Variants in ATAT1 observed in about 807,000 individuals in gnomAD.
The protein encoded by ATAT1 is alpha tubulin acetyltransferase 1.
ATAT1 carries 42 observed loss-of-function variants against 57.2 expected under a neutral mutation model. The observed-to-expected ratio is 0.73, with a 90% CI of 0.57 to 0.95. The LOEUF (loss-of-function observed/expected upper bound fraction) is 0.95, where lower values mean the gene tolerates loss of function less well. Ranked by LOEUF, ATAT1 falls within the 40% of genes least tolerant of loss-of-function variation. The probability of loss-of-function intolerance (pLI) is 0.00; values close to 1 mark genes in which losing one functional copy is unlikely to be tolerated. For missense variants in ATAT1, 454 were observed against 523.7 expected (o/e 0.87, Z 1.30); for synonymous variants, 168 against 187.1 (o/e 0.90, Z 0.83).
At chr6:30,633,797 A>C (rs1481504385) in intron 6 of ATAT1, 5 of 176,888 alleles carry the variant, frequency 2.8e-5, no homozygotes, top group Non-Finnish European at 6.8e-5. Context: ...GAAGAGGAAC[A>C]GGGTGGGGAG....
intron 9 of ATAT1, 122 bp from the exon 10 acceptor site, chr6:30,642,646 A>C: frequency 1.3e-6 from 1 of 759,266 alleles, no homozygotes; most frequent in East Asian, 2.7e-5. Context: ...CCGTCTCAAA[A>C]AAGAAAAAAA....
intron 6 of ATAT1, among the ~76,000 whole-genome samples, 194 bp from the exon 7 acceptor site, chr6:30,640,183 G>A (rs1765105801): frequency 6.6e-6 from 1 of 151,938 alleles, no homozygotes; most frequent in Non-Finnish European, 1.5e-5. Flanking sequence ...ACAGTAACAT[G>A]CTGTACAGGT....
chr6:30,646,326 A>AT, intron 12 of ATAT1, 143 bp from the exon 13 acceptor site: 1 of 1,446,674 alleles, frequency 6.9e-7, no homozygotes, highest in Non-Finnish European at 9.1e-7. Flanking sequence ...GAGGTTTTAA[A>AT]TTTGGACATA....
chr6:30,641,132 C>T (rs1765343224), intron 8 of ATAT1, among the ~76,000 whole-genome samples: 1 of 151,984 alleles, frequency 6.6e-6, no homozygotes, highest in Non-Finnish European at 1.5e-5. Flanking sequence ...CACACACACA[C>T]ACACAAACAC....
At chr6:30,643,934 G>GA (rs2127554091) in intron 10 of ATAT1, 1 of 1,104,430 alleles carries the variant, frequency 9.1e-7, no homozygotes, top group East Asian at 5.3e-5. Context: ...CTGTGCCAGG[G>GA]AAACTTTTTA....
At chr6:30,643,463 T>G in intron 10 of ATAT1, 1 of 1,546,600 alleles carries the variant, frequency 6.5e-7, no homozygotes, top group East Asian at 2.4e-5. Context: ...ACTTCTCTGT[T>G]TTTCTCTCCC....
intron 6 of ATAT1, among the ~76,000 whole-genome samples, chr6:30,629,178 C>T (rs1345226754): frequency 3.3e-5 from 5 of 151,292 alleles, no homozygotes; most frequent in East Asian, 2.0e-4. Context: ...GGATTATAGG[C>T]GTGAGCCACT....
chr6:30,640,703 T>C, intron 8 of ATAT1, 100 bp downstream of exon 8: 2 of 1,398,606 alleles, frequency 1.4e-6, no homozygotes, highest in Admixed American at 3.8e-5. Flanking sequence ...TTTGGAAAAT[T>C]CTAAAGCAAC....
chr6:30,644,063 C>A (rs547130161), intron 10 of ATAT1: 1 of 989,284 alleles, frequency 1.0e-6, no homozygotes, highest in Admixed American at 6.0e-5. Flanking sequence ...CGCTAGTGAG[C>A]AAGCTCTGCT....
At chr6:30,640,139 C>CAA (rs34579562) in intron 6 of ATAT1, among the ~76,000 whole-genome samples, 8 of 124,836 alleles carry the variant, frequency 6.4e-5, no homozygotes, top group East Asian at 2.2e-4. Context: ...CTCTGCCTCT[C>CAA]AAAAAAAAAA....
Position 30,646,819 on chromosome 6 carries a change from C to T in ATAT1, c.*176C>T. The T allele has an allele frequency of 8.7e-7, 1 of 1,148,108 alleles. No individual in the cohort carries two copies. Among genetic ancestry groups the T allele is most frequent in the Non-Finnish European group, 1.2e-6 (1 of 859,160 alleles). The allele number at this position is 1,148,108 out of a possible 1,614,324, so 71.1% of individuals were successfully genotyped here. On this transcript the variant is annotated 3_prime_UTR_variant, in exon 13 of 13. Coordinates refer to ENST00000330083, the MANE Select transcript of ATAT1 (RefSeq NM_001031722.4). ...CCAATAAAAGTATTTATTTTTATCA[C>T]AAGAGCTGTTGAAAAATTTGACTCA...
At chr6:30,642,081 G>A in intron 8 of ATAT1, 95 bp from the exon 9 acceptor site, 2 of 1,594,668 alleles carry the variant, frequency 1.3e-6, no homozygotes, top group Admixed American at 3.4e-5. Context: ...TGGTGTCAGG[G>A]AGCAGAGGTT....
At chr6:30,629,112 G>A (rs1486450159) in intron 6 of ATAT1, among the ~76,000 whole-genome samples, 1 of 151,644 alleles carries the variant, frequency 6.6e-6, no homozygotes, top group Admixed American at 6.6e-5. Context: ...GTTGCACTGG[G>A]TGGTCTTGAA....
chr6:30,642,756 C>G lies in ATAT1; in HGVS notation c.689-12C>G. 1 of 1,565,306 alleles carries G rather than the reference C, an allele frequency of 6.4e-7. No homozygotes were observed. Among genetic ancestry groups the G allele is most frequent in the Non-Finnish European group, 8.8e-7 (1 of 1,138,516 alleles). ...CTTTTTCTGTCTTGCTCTTCATTCTCCCTGTCCCCAGTTCTGAAGGTAGCT... is the reference window on the plus strand; with the variant it reads ...CTTTTTCTGTCTTGCTCTTCATTCTGCCTGTCCCCAGTTCTGAAGGTAGCT... On this transcript the variant is annotated splice_polypyrimidine_tract_variant and intron_variant, in intron 9 of 12. Coordinates refer to ENST00000330083, the MANE Select transcript of ATAT1 (RefSeq NM_001031722.4).
chr6:30,634,255 AT>A (rs925821876), intron 6 of ATAT1, among the ~76,000 whole-genome samples: 65 of 149,216 alleles, frequency 4.4e-4, no homozygotes, highest in Admixed American at 1.2e-3. Flanking sequence ...TGTTAGGGTC[AT>A]TTTTTTTTTC....
chr6:30,628,213 C>A, intron 5 of ATAT1, 68 bp downstream of exon 5: 2 of 1,542,486 alleles, frequency 1.3e-6, no homozygotes, highest in Non-Finnish European at 1.8e-6. Flanking sequence ...TTCCAGAAGC[C>A]CTGCCTCCCA....
At chr6:30,639,500 G>A (rs1360014742) in intron 6 of ATAT1, among the ~76,000 whole-genome samples, 4 of 145,296 alleles carry the variant, frequency 2.8e-5, no homozygotes, top group African/African-American at 1.0e-4. Flanking sequence ...TTTTTGAGAC[G>A]GAGTCTTGCT....
At chr6:30,630,013 A>G (rs1010738794) in intron 6 of ATAT1, among the ~76,000 whole-genome samples, 1 of 152,200 alleles carries the variant, frequency 6.6e-6, no homozygotes, top group African/African-American at 2.4e-5. Flanking sequence ...TCTTGTTTAT[A>G]ACTAAGTGCA....
rs878975899 is a variant in ATAT1, at chr6:30,640,362, T to C, written c.502-15T>C. On this transcript the variant is annotated splice_polypyrimidine_tract_variant and intron_variant, in intron 6 of 12. Transcript: ENST00000330083. ...AAGTGATGCATGATTGTATTTTGTTTGTTTCATCTTCCAGGTGAACAACTT... is the reference window on the plus strand; with the variant it reads ...AAGTGATGCATGATTGTATTTTGTTCGTTTCATCTTCCAGGTGAACAACTT... 6.2e-7 allele frequency: 1 copy of C among 1,612,918 alleles called. No individual in the cohort carries two copies. Among genetic ancestry groups the C allele is most frequent in the South Asian group, 1.1e-5 (1 of 91,086 alleles).
Sources: gnomAD v4.1 joint callset for allele counts (sites outside exome capture counted in the v4.1 genomes callset) on GRCh38, gnomAD v4.1.1 for gene constraint, MANE v1.5 for transcripts, NCBI Gene and HGNC (gene_info 2026-07-23, HGNC 2026-07-21) for gene names.